The following CNTNAP4 variants were observed in gnomAD, a reference collection of about 807,000 sequenced individuals.
CNTNAP4 encodes the protein contactin-associated protein-like 4.
In CNTNAP4, 98 loss-of-function variants were observed where a neutral mutation model predicts 148.4. The ratio of observed to expected loss-of-function variants is 0.66; its 90% CI spans 0.56 to 0.78. CNTNAP4 has a LOEUF of 0.78. Ranked by LOEUF, CNTNAP4 falls within the 30% of genes least tolerant of loss-of-function variation. CNTNAP4 has a pLI of 0.00. For synonymous variants in CNTNAP4, 730 were observed against 565.1 expected, an observed-to-expected ratio of 1.29 and a Z score of -4.14; for missense variants, 1,935 against 1,565.6, an observed-to-expected ratio of 1.24 and a Z score of -3.98.
At chr16:76,502,313 A>G (rs1349937452) in intron 15 of CNTNAP4, among the ~76,000 whole-genome samples, 1 of 151,378 alleles carries the variant, frequency 6.6e-6, no homozygotes, top group African/African-American at 2.4e-5. Context: ...AGAACAGCGA[A>G]TACTCCTTTT....
At chr16:76,516,647 C>A (rs542172724) in intron 15 of CNTNAP4, among the ~76,000 whole-genome samples, 1 of 152,202 alleles carries the variant, frequency 6.6e-6, no homozygotes, top group Non-Finnish European at 1.5e-5. Context: ...CTGAAAGCTA[C>A]GTAGGTGTCC....
At chr16:76,505,988 A>G (rs1407658346) in intron 15 of CNTNAP4, among the ~76,000 whole-genome samples, 1 of 98,074 alleles carries the variant, frequency 1.0e-5, no homozygotes, top group African/African-American at 2.6e-5. Flanking sequence ...TTTCAGTAAT[A>G]TGGATATTCT....
intron 2 of CNTNAP4, among the ~76,000 whole-genome samples, chr16:76,347,113 G>A (rs1424017986): frequency 1.3e-5 from 2 of 149,348 alleles, no homozygotes; most frequent in African/African-American, 4.9e-5. Context: ...AAATGATTAA[G>A]CTGTGTAGGT....
chr16:76,370,810 C>T (rs1781438829), intron 3 of CNTNAP4, among the ~76,000 whole-genome samples: 1 of 152,112 alleles, frequency 6.6e-6, no homozygotes, highest in African/African-American at 2.4e-5. Flanking sequence ...GCATGCTTCC[C>T]TTTCAACCCA....
intron 19 of CNTNAP4, among the ~76,000 whole-genome samples, chr16:76,538,770 C>T (rs1206636953): frequency 1.3e-5 from 2 of 151,802 alleles, no homozygotes; most frequent in African/African-American, 2.4e-5. Context: ...AATATGTCCA[C>T]AAGATGACCT....
chr16:76,372,858 T>C (rs2014996993), intron 3 of CNTNAP4, among the ~76,000 whole-genome samples: 1 of 152,264 alleles, frequency 6.6e-6, no homozygotes, highest in Non-Finnish European at 1.5e-5. Flanking sequence ...ATACTATGTA[T>C]ATTATCTTTA....
At position 76,332,047 on chromosome 16, in the gene CNTNAP4, C is replaced by A. The variant is rs117993630; in HGVS notation, c.196+15524C>A. On this transcript the variant is annotated intron_variant, in intron 2 of 23. Transcript: ENST00000611870. ...ATATATCATCCCACTGCCTTTTGGC[C>A]GCCCTGGTTTCTGCCCAGAAATCTG... 9.1e-3 allele frequency among the ~76,000 whole-genome samples: 1,381 copies of A among 152,220 alleles called. 12 individuals carry two copies. Among genetic ancestry groups the A allele is most frequent in the Non-Finnish European group, 0.015 (1,050 of 68,006 alleles).
intron 3 of CNTNAP4, among the ~76,000 whole-genome samples, chr16:76,415,763 AT>A (rs1187256118): frequency 6.6e-6 from 1 of 151,052 alleles, no homozygotes; most frequent in Non-Finnish European, 1.5e-5. Context: ...ACTGTAGAGT[AT>A]TTTTACTATT....
intron 3 of CNTNAP4, among the ~76,000 whole-genome samples, chr16:76,423,901 A>T (rs755100166): frequency 6.6e-6 from 1 of 152,000 alleles, no homozygotes; most frequent in Non-Finnish European, 1.5e-5. Flanking sequence ...ATGGCTATAC[A>T]CTCTTCCTAT....
chr16:76,512,914 T>C, intron 15 of CNTNAP4, among the ~76,000 whole-genome samples: 1 of 152,182 alleles, frequency 6.6e-6, no homozygotes, highest in Middle Eastern at 3.2e-3. Flanking sequence ...TGAGAACTGA[T>C]AATGGCTTTA....
At position 76,353,874 on chromosome 16, in the gene CNTNAP4, C is replaced by G. The variant is rs147435900; in HGVS notation, c.197-1444C>G. ...AGTACTTGTCAACACTGGTGTGTGC[C>G]TTCAGGTCCTACAATGGCATACGCC... On this transcript the variant is annotated intron_variant, in intron 2 of 23. Transcript: ENST00000611870. Among the ~76,000 whole-genome samples, 453 of 152,264 alleles carry G rather than the reference C, an allele frequency of 3.0e-3. 1 individual carries two copies. Among genetic ancestry groups the G allele is most frequent in the African/African-American group, 0.01 (432 of 41,540 alleles).
intron 1 of CNTNAP4, among the ~76,000 whole-genome samples, chr16:76,291,262 T>C (rs1332201247): frequency 2.6e-5 from 4 of 152,164 alleles, no homozygotes; most frequent in Admixed American, 2.0e-4. Flanking sequence ...TTTTACAGGT[T>C]AAAACTTAAC....
chr16:76,412,315 A>G (rs964229967), intron 3 of CNTNAP4, among the ~76,000 whole-genome samples: 10 of 151,438 alleles, frequency 6.6e-5, no homozygotes, highest in African/African-American at 2.4e-4. Flanking sequence ...ACGTACATAC[A>G]TGTCTTTTGC....
At chr16:76,468,128 TG>T (rs2081242608) in intron 10 of CNTNAP4, among the ~76,000 whole-genome samples, 2 of 152,126 alleles carry the variant, frequency 1.3e-5, no homozygotes, top group Non-Finnish European at 2.9e-5. Flanking sequence ...GTACAGGACA[TG>T]ACAAGGCAGG....
intron 4 of CNTNAP4, among the ~76,000 whole-genome samples, chr16:76,436,058 TTAGTC>T (rs1260625377): frequency 2.0e-5 from 3 of 152,076 alleles, no homozygotes; most frequent in Non-Finnish European, 4.4e-5. Flanking sequence ...CGCCAGGACT[TTAGTC>T]TAGTTATAGG....
intron 14 of CNTNAP4, among the ~76,000 whole-genome samples, chr16:76,496,870 T>A (rs1042431461): frequency 6.6e-6 from 1 of 152,180 alleles, no homozygotes; most frequent in Non-Finnish European, 1.5e-5. Context: ...GATGTTTGAA[T>A]TGGCAGAAAG....
At chr16:76,372,200 C>T (rs1233515207) in intron 3 of CNTNAP4, among the ~76,000 whole-genome samples, 4 of 143,158 alleles carry the variant, frequency 2.8e-5, no homozygotes, top group Admixed American at 7.6e-5. Flanking sequence ...AATGCAGTGG[C>T]GCAATCTCGG....
rs563779933 is a variant in CNTNAP4 at position 76,524,445 on chromosome 16, A to C, written c.2755+2188A>C. Reference sequence around the variant, plus strand: ...TATTCTTGGAAATTGAGAGGCTGAAATAGTCCTCAAATTTTTCAGTGAAAT... The same window carrying C: ...TATTCTTGGAAATTGAGAGGCTGAACTAGTCCTCAAATTTTTCAGTGAAAT... On this transcript the variant is annotated intron_variant, in intron 17 of 23. Coordinates refer to ENST00000611870, the MANE Select transcript of CNTNAP4 (RefSeq NM_033401.5). Among the ~76,000 whole-genome samples, 52 of 152,290 alleles carry C rather than the reference A, an allele frequency of 3.4e-4. No homozygotes were observed. In the South Asian group the frequency reaches 0.011, roughly 31 times the overall value.
intron 21 of CNTNAP4, among the ~76,000 whole-genome samples, chr16:76,543,210 T>C (rs1449799387): frequency 6.6e-6 from 1 of 152,218 alleles, no homozygotes; most frequent in African/African-American, 2.4e-5. Flanking sequence ...ATTTGGCATA[T>C]GTCTAAGGTA....
Sources: gnomAD v4.1 joint callset for allele counts (sites outside exome capture counted in the v4.1 genomes callset) on GRCh38, gnomAD v4.1.1 for gene constraint, MANE v1.5 for transcripts, NCBI Gene and HGNC (gene_info 2026-07-23, HGNC 2026-07-21) for gene names.